ABCA13: variants seen among roughly 807,000 people sequenced by gnomAD.
ABCA13 encodes the protein ATP binding cassette subfamily A member 13.
In ABCA13, 476 loss-of-function variants were observed where a neutral mutation model predicts 478.7. That is an observed-to-expected ratio of 0.99 (90% CI 0.92 to 1.07). ABCA13 has a LOEUF of 1.07. Among genes scored for constraint, ABCA13 ranks in the 50% least tolerant of loss-of-function variants. The pLI is 0.00. For synonymous variants in ABCA13, 2,252 were observed against 2,158.9 expected (o/e 1.04, Z -1.20); for missense variants, 6,060 against 5,910.6 (o/e 1.03, Z -0.83).
At chr7:48,349,633 G>A (rs933868336) in intron 29 of ABCA13, among the ~76,000 whole-genome samples, 18 of 152,304 alleles carry the variant, frequency 1.2e-4, no homozygotes, top group African/African-American at 4.3e-4. Flanking sequence ...GAAGCCAGGA[G>A]GATCTGGGAG....
At chr7:48,229,734 C>G (rs928377927) in intron 6 of ABCA13, 91 bp from the exon 7 acceptor site, 1 of 1,480,672 alleles carries the variant, frequency 6.8e-7, no homozygotes, top group African/African-American at 1.4e-5. Context: ...ACTAGGGGCC[C>G]AGTCCATGGG....
At chr7:48,236,176 G>C (rs1211868570) in intron 8 of ABCA13, among the ~76,000 whole-genome samples, 1 of 152,154 alleles carries the variant, frequency 6.6e-6, no homozygotes, top group Non-Finnish European at 1.5e-5. Context: ...TGGGGTTTCT[G>C]AGTAGCAAGG....
Position 48,248,332 on chromosome 7 carries a change from C to T in ABCA13, c.1753C>T (p.Leu585=). Reference sequence around the variant, plus strand: ...GGACTGGCAGGAACTTGAGATGCAGCTGTCAGAAGCAAGCCTTTCCTGTAC... The same window carrying T: ...GGACTGGCAGGAACTTGAGATGCAGTTGTCAGAAGCAAGCCTTTCCTGTAC... ...YLDWQELEMQ[L]SEASLSCTRL... Residue 585 remains leucine, a synonymous_variant, in exon 14 of 62, where the codon CTG becomes TTG. Transcript: ENST00000435803. 2 of 1,613,892 alleles carry T rather than the reference C, an allele frequency of 1.2e-6. No individual in the cohort carries two copies. The highest frequency in any genetic ancestry group is 8.5e-7 in the Non-Finnish European group (1 of 1,179,794).
chr7:48,646,900 G>C lies in ABCA13; in HGVS notation c.*1388G>C, dbSNP rs1795469460. The C allele has an allele frequency of 6.6e-6, 1 of 152,286 alleles. No individual in the cohort carries two copies. The highest frequency in any genetic ancestry group is 2.1e-4 in the South Asian group (1 of 4,824). The allele number at this position is 152,286 out of a possible 1,614,324, so 9.4% of individuals were successfully genotyped here. On this transcript the variant is annotated 3_prime_UTR_variant, in exon 62 of 62. Coordinates refer to ENST00000435803, the MANE Select transcript of ABCA13 (RefSeq NM_152701.5). ...AATTGTTGTCTTCAAAGCATTGTCA[G>C]ATGTAGAGTGCTCAGATGTGGCTCT...
At chr7:48,569,627 T>C (rs1349306465) in intron 55 of ABCA13, among the ~76,000 whole-genome samples, 1 of 152,040 alleles carries the variant, frequency 6.6e-6, no homozygotes, top group Non-Finnish European at 1.5e-5. Context: ...CACGTTCTAG[T>C]GATTCTCCTG....
intron 34 of ABCA13, 124 bp from the exon 35 acceptor site, chr7:48,376,317 C>G: frequency 8.5e-7 from 1 of 1,170,648 alleles, no homozygotes; most frequent in African/African-American, 1.5e-5. Flanking sequence ...GTGATATTGA[C>G]CTTCTTTTTG....
intron 13 of ABCA13, among the ~76,000 whole-genome samples, chr7:48,247,243 T>A (rs1158781234): frequency 6.6e-6 from 1 of 151,666 alleles, no homozygotes; most frequent in Admixed American, 6.6e-5. Flanking sequence ...ATTAAAAAAA[T>A]AAAGAAAAGA....
intron 55 of ABCA13, among the ~76,000 whole-genome samples, chr7:48,546,430 A>G (rs1478037684): frequency 1.3e-5 from 2 of 151,578 alleles, no homozygotes; most frequent in African/African-American, 4.8e-5. Flanking sequence ...TAATAGGTCA[A>G]TAGTTGTTAT....
At chr7:48,244,754 A>T in intron 11 of ABCA13, 51 bp downstream of exon 11, 1 of 1,528,182 alleles carries the variant, frequency 6.5e-7, no homozygotes, top group Non-Finnish European at 8.8e-7. Flanking sequence ...AGTAAATGTG[A>T]AATTTATTGG....
chr7:48,199,333 T>G (rs894022092), intron 3 of ABCA13, among the ~76,000 whole-genome samples: 3 of 152,214 alleles, frequency 2.0e-5, no homozygotes, highest in African/African-American at 7.2e-5. Context: ...CTCATAGTTT[T>G]GGAGGCTGGG....
chr7:48,563,594 G>C (rs970517690), intron 55 of ABCA13, among the ~76,000 whole-genome samples: 6 of 152,064 alleles, frequency 3.9e-5, no homozygotes, highest in African/African-American at 1.4e-4. Flanking sequence ...TCAGTGTGTT[G>C]GCTGTGCACC....
intron 39 of ABCA13, among the ~76,000 whole-genome samples, chr7:48,406,051 A>G (rs1818222143): frequency 6.6e-6 from 1 of 152,198 alleles, no homozygotes; most frequent in Non-Finnish European, 1.5e-5. Context: ...GACTGTGCAG[A>G]AACAAACACT....
At chr7:48,408,741 G>A (rs146102339) in intron 39 of ABCA13, among the ~76,000 whole-genome samples, 4 of 152,232 alleles carry the variant, frequency 2.6e-5, no homozygotes, top group African/African-American at 9.6e-5. Flanking sequence ...GGTTTGTTAT[G>A]TAGGTAAACT....
chr7:48,517,690 G>GT (rs1832234226), intron 52 of ABCA13, among the ~76,000 whole-genome samples: 1 of 152,266 alleles, frequency 6.6e-6, no homozygotes, highest in South Asian at 2.1e-4. Context: ...TTCAGATTTT[G>GT]CACTTTCCTC....
At chr7:48,587,099 TC>T (rs1204291852) in intron 56 of ABCA13, 54 bp from the exon 57 acceptor site, 5 of 1,605,676 alleles carry the variant, frequency 3.1e-6, no homozygotes, top group Non-Finnish European at 4.3e-6. Flanking sequence ...AGACCAGCTG[TC>T]TGGTGGGCAC....
At chr7:48,277,570 C>G (rs1188550661) in intron 17 of ABCA13, among the ~76,000 whole-genome samples, 1 of 152,192 alleles carries the variant, frequency 6.6e-6, no homozygotes, top group Admixed American at 6.5e-5. Flanking sequence ...TAACTCCCAT[C>G]TATCCTAGAA....
intron 46 of ABCA13, among the ~76,000 whole-genome samples, chr7:48,482,422 C>T (rs569720549): frequency 3.0e-4 from 45 of 151,892 alleles, no homozygotes; most frequent in Middle Eastern, 3.4e-3. Context: ...TGCTCTGTTG[C>T]CTAGGCTGGA....
In ABCA13 at chr7:48,643,358, C is replaced by A; in HGVS notation, c.14908C>A (p.His4970Asn). 6.2e-7 allele frequency: 1 copy of A among 1,613,544 alleles called. No individual in the cohort carries two copies. The highest frequency in any genetic ancestry group is 8.5e-7 in the Non-Finnish European group (1 of 1,179,630). ...AAATCAACATTGCACTGTTTCTGAC[C>A]ACTTGAAGCTTTATTTTCCAGGAAT... The part of the protein sequence containing the change: ...EANQHCTVSD[H>N]LKLYFPGIQF... Residue 4970 changes from histidine (H) to asparagine (N), a missense_variant, in exon 60 of 62, where the codon CAC becomes AAC. His to Asn is a moderately conservative substitution (Grantham distance 68). This residue lies in a region of ABCA13 where 1,627 missense variants were observed against 1,571.0 expected (regional missense o/e 1.04). Transcript: ENST00000435803.
intron 29 of ABCA13, among the ~76,000 whole-genome samples, chr7:48,346,151 C>G (rs1181641493): frequency 1.3e-5 from 2 of 152,122 alleles, no homozygotes; most frequent in Non-Finnish European, 2.9e-5. Context: ...TTGCCTAATG[C>G]TGCCTTTTTA....
Sources: allele counts gnomAD v4.1 joint callset (sites outside exome capture counted in the v4.1 genomes callset), GRCh38; gene constraint gnomAD v4.1.1; regional missense constraint gnomAD v4.1.1; transcripts MANE v1.5; gene names NCBI Gene and HGNC (gene_info 2026-07-23, HGNC 2026-07-21).